Variants in ZNF433 observed in about 807,000 individuals in gnomAD.
ZNF433 encodes the protein zinc finger protein 433.
Under a neutral mutation model 10.6 loss-of-function variants are expected in ZNF433, and 12 were observed. That is an observed-to-expected ratio of 1.13 (90% CI 0.72 to 1.83). The LOEUF is 1.83. ZNF433 is among the 40% of genes most tolerant of loss of function. The pLI is 0.00. For missense variants in ZNF433, 737 were observed against 798.0 expected (o/e 0.92, Z 0.92); for synonymous variants, 272 against 271.3 (o/e 1.00, Z -0.02).
In ZNF433 at chr19:12,027,330, A is replaced by G. The variant is rs912350222; in HGVS notation, c.3+8207T>C. On this transcript the variant is annotated intron_variant, in intron 1 of 3. Coordinates refer to ENST00000550507, the MANE Select transcript of ZNF433 (RefSeq NM_001308348.2). The stretch of plus-strand genomic sequence containing the variant: ...CCACCTTTGCTTTTATTGTCTTGCA[A>G]AAACAAAAAGGGGGAACATGTTGGG... The G allele has an allele frequency of 9.8e-5, 31 of 316,770 alleles. No homozygotes were observed. The Admixed American group carries it at 1.3e-3, about 14-fold the overall frequency. The allele number at this position is 316,770 out of a possible 1,614,324, so 19.6% of individuals were successfully genotyped here.
rs748349857 is a variant in ZNF433, at chr19:12,015,296, T to C, written c.1562A>G (p.His521Arg). 2 of 1,614,082 alleles carry C rather than the reference T, an allele frequency of 1.2e-6. No individual in the cohort carries two copies. Among genetic ancestry groups the C allele is most frequent in the East Asian group, 2.2e-5 (1 of 44,874 alleles). Reference sequence around the variant, plus strand: ...TTTCTCTCCAGTGTGAGTCCTTCCATGATATCGAAAGGAGCTCGAACAGTT... The same window carrying C: ...TTTCTCTCCAGTGTGAGTCCTTCCACGATATCGAAAGGAGCTCGAACAGTT... ...SFNCSSSFRY[H>R]GRTHTGEKPY... The change falls in exon 4 of 4, where the codon CAT (histidine) becomes CGT (arginine). Residue 521 changes from histidine (H) to arginine (R), a missense_variant. Physicochemically the swap from His to Arg is conservative, Grantham distance 29. Transcript: ENST00000550507.
chr19:12,015,542 C>A lies in ZNF433; in HGVS notation c.1316G>T (p.Arg439Met). The change falls in exon 4 of 4, where the codon AGG becomes ATG. Residue 439 changes from arginine (R) to methionine (M), a missense_variant. Transcript: ENST00000550507. ...RSASLLQTHG[R>M]THTGEKPYAC... ...ATAGGGTTTCTCTCCCGTGTGAGTC[C>A]TACCATGTGTTTGAAGGAGTGAGGC... The A allele has an allele frequency of 6.2e-7, 1 of 1,613,978 alleles. No homozygotes were observed. The highest frequency in any genetic ancestry group is 8.5e-7 in the Non-Finnish European group (1 of 1,179,990).
intron 1 of ZNF433, among the ~76,000 whole-genome samples, chr19:12,030,860 G>C (rs902595374): frequency 6.6e-6 from 1 of 152,078 alleles, no homozygotes; most frequent in Non-Finnish European, 1.5e-5. Context: ...AGGATTACTT[G>C]AGCTCAGGAA....
chr19:12,018,161 C>T lies in ZNF433; in HGVS notation c.130+5G>A, dbSNP rs1478321475. ...TACTGAAGGAAGTAATGTTGTCACCCTTACCTATAGAGGCCAGGTTCCTGA... is the reference window on the plus strand; with the variant it reads ...TACTGAAGGAAGTAATGTTGTCACCTTTACCTATAGAGGCCAGGTTCCTGA... On this transcript the variant is annotated splice_donor_5th_base_variant and intron_variant, in intron 2 of 3. Coordinates refer to ENST00000550507, the MANE Select transcript of ZNF433 (RefSeq NM_001308348.2). 1.3e-6 allele frequency: 2 copies of T among 1,571,964 alleles called. No individual in the cohort carries two copies. The highest frequency in any genetic ancestry group is 1.7e-6 in the Non-Finnish European group (2 of 1,166,592).
chr19:12,024,518 C>A (rs1350618595), intron 1 of ZNF433: 4 of 152,234 alleles, frequency 2.6e-5, no homozygotes, highest in Non-Finnish European at 5.9e-5. Context: ...CAACTGGATA[C>A]AACCTGCTCT....
intron 1 of ZNF433, among the ~76,000 whole-genome samples, chr19:12,030,718 ATAAGAC>A (rs1974976415): frequency 1.3e-5 from 2 of 152,214 alleles, no homozygotes; most frequent in Non-Finnish European, 2.9e-5. Flanking sequence ...GAAAAAATGA[ATAAGAC>A]TAAGCATTTG....
At chr19:12,025,911 G>A (rs1230073512) in intron 1 of ZNF433, 1 of 152,560 alleles carries the variant, frequency 6.6e-6, no homozygotes, top group Non-Finnish European at 1.5e-5. Flanking sequence ...ATGAGCCACA[G>A]TGGAAAGAAT....
chr19:12,018,109 A>G (rs1974303320), intron 2 of ZNF433, 57 bp downstream of exon 2: 1 of 790,604 alleles, frequency 1.3e-6, no homozygotes, highest in Non-Finnish European at 1.7e-6. Context: ...TTGTTCTCAG[A>G]AAAAAAAAAA....
chr19:12,035,479 T>C (rs538718134), intron 1 of ZNF433, 58 bp downstream of exon 1: 1 of 1,553,308 alleles, frequency 6.4e-7, no homozygotes, highest in Admixed American at 2.0e-5. Context: ...CACAGCCGGT[T>C]CCGGCCGGTT....
chr19:12,035,486 G>C, intron 1 of ZNF433, 51 bp downstream of exon 1: 1 of 1,557,174 alleles, frequency 6.4e-7, no homozygotes, highest in South Asian at 1.2e-5. Flanking sequence ...GGTTCCGGCC[G>C]GTTCCAACCA....
intron 1 of ZNF433, among the ~76,000 whole-genome samples, chr19:12,031,505 T>A (rs1184961239): frequency 1.3e-5 from 2 of 150,548 alleles, no homozygotes; most frequent in Non-Finnish European, 3.0e-5. Context: ...ATACAAAAAT[T>A]AGCTGGGCGT....
rs201469236 is a variant in ZNF433, at chr19:12,016,468, C to T, written c.390G>A (p.Glu130=). Residue 130 remains glutamate, a synonymous_variant, in exon 4 of 4, where the codon GAG becomes GAA. Coordinates refer to ENST00000550507, the MANE Select transcript of ZNF433 (RefSeq NM_001308348.2). ...IRDDTGHKAY[E]YQEYGQKPYK... ...ATGGTTTCTGTCCATATTCTTGATA[C>T]TCATATGCCTTGTGTCCAGTGTCAT... 33 of 1,613,958 alleles carry T rather than the reference C, an allele frequency of 2.0e-5. No individual in the cohort carries two copies. Among genetic ancestry groups the T allele is most frequent in the Non-Finnish European group, 5.1e-6 (6 of 1,180,026 alleles).
At chr19:12,023,898 T>C (rs561203557) in intron 1 of ZNF433, 23 of 152,030 alleles carry the variant, frequency 1.5e-4, no homozygotes, top group South Asian at 1.2e-3. Flanking sequence ...GGGTATGTCC[T>C]AGGAAAAAAA....
At chr19:12,027,488 G>A (rs977813398) in intron 1 of ZNF433, among the ~76,000 whole-genome samples, 9 of 152,206 alleles carry the variant, frequency 5.9e-5, no homozygotes, top group African/African-American at 1.4e-4. Flanking sequence ...CACCCAGGGC[G>A]GAAAACTGCT....
chr19:12,029,023 C>G (rs1181619473), intron 1 of ZNF433, among the ~76,000 whole-genome samples: 1 of 151,974 alleles, frequency 6.6e-6, no homozygotes, highest in African/African-American at 2.4e-5. Flanking sequence ...CAAAAAGTAC[C>G]CATGGAAAGA....
Position 12,014,811 on chromosome 19 carries a change from C to T in ZNF433, c.*34G>A, listed in dbSNP as rs1405560714. ...CTGGTCTTGAACTCCTGGGCTTAAG[C>T]AGTCCCCCCACCTCAGCCTCCTAAA... On this transcript the variant is annotated 3_prime_UTR_variant, in exon 4 of 4. Coordinates refer to ENST00000550507, the MANE Select transcript of ZNF433 (RefSeq NM_001308348.2). The T allele has an allele frequency of 2.7e-6, 4 of 1,472,494 alleles. No homozygotes were observed. Among genetic ancestry groups the T allele is most frequent in the Non-Finnish European group, 2.7e-6 (3 of 1,104,744 alleles). 91.2% of individuals were successfully genotyped at this position (1,472,494 alleles called of 1,614,324 possible). A position where few individuals can be genotyped will look rare whatever the true frequency, so the allele number is the denominator to read the frequency against.
chr19:12,016,289 C>T lies in ZNF433; in HGVS notation c.569G>A (p.Arg190His), dbSNP rs200966428. The change falls in exon 4 of 4, where the codon CGT becomes CAT. Residue 190 changes from arginine (R) to histidine (H), a missense_variant. Transcript: ENST00000550507. ...SNLQRHRIMH[R>H]GDGPYKCKFC... is the part of the protein sequence containing the mutation. ...TTTACACTTATAAGGTCCATCTCCA[C>T]GGTGCATTATCCTGTGTCTTTGAAG... 336 of 1,614,206 alleles carry T rather than the reference C, an allele frequency of 2.1e-4. No individual in the cohort carries two copies. The highest frequency in any genetic ancestry group is 2.9e-4 in the East Asian group (13 of 44,868).
Position 12,016,384 on chromosome 19 carries a change from T to C in ZNF433, c.474A>G (p.Glu158=). The C allele has an allele frequency of 6.2e-7, 1 of 1,614,188 alleles. No individual in the cohort carries two copies. The highest frequency in any genetic ancestry group is 8.5e-7 in the Non-Finnish European group (1 of 1,180,026). ...FNCLSSVQTH[E]RAHSGRKLYV... is the part of the protein sequence containing the mutation. ...AGAGTTTCCTTCCACTATGAGCCCT[T>C]TCATGTGTCTGAACAGAGGAGAGAC... is the stretch of plus-strand genomic sequence containing the variant. The change falls in exon 4 of 4, where the codon GAA becomes GAG. Residue 158 remains glutamate, a synonymous_variant. Transcript: ENST00000550507.
rs1348785527 is a variant in ZNF433 at position 12,016,214 on chromosome 19, C to T, written c.644G>A (p.Arg215Gln). ...ATATGGTTTCTCTCCAGTGTGAGTT[C>T]GTTTGTGGATAAGATACAAACTGAG... ...MFLSLYLIHK[R>Q]THTGEKPYQC... The change falls in exon 4 of 4, where the codon CGA (arginine) becomes CAA (glutamine). Residue 215 changes from arginine (R) to glutamine (Q), a missense_variant. Coordinates refer to ENST00000550507, the MANE Select transcript of ZNF433 (RefSeq NM_001308348.2). 9 of 1,614,030 alleles carry T rather than the reference C, an allele frequency of 5.6e-6. No individual in the cohort carries two copies. The highest frequency in any genetic ancestry group is 1.7e-5 in the Admixed American group (1 of 59,996).
Sources: gnomAD v4.1 joint callset for allele counts (sites outside exome capture counted in the v4.1 genomes callset) on GRCh38, gnomAD v4.1.1 for gene constraint, MANE v1.5 for transcripts, NCBI Gene and HGNC (gene_info 2026-07-23, HGNC 2026-07-21) for gene names.